BNC2: variants seen among roughly 807,000 people sequenced by gnomAD.
The protein encoded by BNC2 is zinc finger protein basonuclin-2.
In BNC2, 20 loss-of-function variants were observed where a neutral mutation model predicts 76.3. The ratio of observed to expected loss-of-function variants is 0.26; its 90% CI spans 0.18 to 0.38. The LOEUF is 0.38. Ranked by LOEUF, BNC2 falls within the 10% of genes least tolerant of loss-of-function variation. The pLI is 1.00. For missense variants in BNC2, 1,382 were observed against 1,399.8 expected, an observed-to-expected ratio of 0.99 and a Z score of 0.20; for synonymous variants, 582 against 514.8, an observed-to-expected ratio of 1.13 and a Z score of -1.77.
chr9:16,483,645 A>G (rs1587081851), intron 5 of BNC2, among the ~76,000 whole-genome samples: 2 of 152,250 alleles, frequency 1.3e-5, no homozygotes, highest in Non-Finnish European at 2.9e-5. Flanking sequence ...AGGATCAAGA[A>G]CTTTGAAAAG....
Position 16,428,662 on chromosome 9 carries a change from T to C in BNC2, c.2639+6893A>G, listed in dbSNP as rs533761156. On this transcript the variant is annotated intron_variant, in intron 6 of 6. Coordinates refer to ENST00000380672, the MANE Select transcript of BNC2 (RefSeq NM_017637.6). ...CTTACATATATTCTGTTAGAAACAC[T>C]TGTCTTTTTTTTTCTTTCCTAAGGT... 5.9e-5 allele frequency among the ~76,000 whole-genome samples: 9 copies of C among 152,326 alleles called. No homozygotes were observed. The South Asian group carries it at 1.9e-3, about 32-fold the overall frequency.
At chr9:16,504,525 T>G (rs1156607983) in intron 5 of BNC2, among the ~76,000 whole-genome samples, 1 of 152,120 alleles carries the variant, frequency 6.6e-6, no homozygotes. Flanking sequence ...TTAAATAAAG[T>G]AGACCCTGAA....
At chr9:16,594,359 G>C (rs977702995) in intron 3 of BNC2, among the ~76,000 whole-genome samples, 1 of 152,072 alleles carries the variant, frequency 6.6e-6, no homozygotes, top group African/African-American at 2.4e-5. Context: ...TCCCTTCCCA[G>C]ATGCAATGTG....
chr9:16,731,139 A>G (rs1338927411), intron 2 of BNC2, among the ~76,000 whole-genome samples: 1 of 152,216 alleles, frequency 6.6e-6, no homozygotes, highest in African/African-American at 2.4e-5. Flanking sequence ...ACAAGGCACA[A>G]ATATGTCTTC....
intron 3 of BNC2, among the ~76,000 whole-genome samples, chr9:16,702,035 A>G (rs1823531050): frequency 6.6e-6 from 1 of 152,188 alleles, no homozygotes; most frequent in Non-Finnish European, 1.5e-5. Context: ...TGGGCTAAAA[A>G]ACAATAAAAA....
intron 1 of BNC2, among the ~76,000 whole-genome samples, chr9:16,833,030 CCTT>C (rs1245224694): frequency 1.4e-5 from 2 of 143,770 alleles, no homozygotes; most frequent in Non-Finnish European, 3.1e-5. Context: ...TACCCAAATT[CCTT>C]CTTATTACAG....
chr9:16,570,347 C>A (rs1189106824), intron 4 of BNC2, among the ~76,000 whole-genome samples: 1 of 152,112 alleles, frequency 6.6e-6, no homozygotes, highest in African/African-American at 2.4e-5. Context: ...ATTTTTCCTC[C>A]TTCCCCCAGT....
At chr9:16,726,030 C>T (rs1427118196) in intron 3 of BNC2, among the ~76,000 whole-genome samples, 2 of 151,280 alleles carry the variant, frequency 1.3e-5, no homozygotes, top group Non-Finnish European at 2.9e-5. Context: ...CCTCCACTAA[C>T]TCAAGGAAAA....
intron 5 of BNC2, among the ~76,000 whole-genome samples, chr9:16,505,109 A>G (rs1241327960): frequency 6.6e-6 from 1 of 152,232 alleles, no homozygotes; most frequent in Non-Finnish European, 1.5e-5. Context: ...AAAGAACAGA[A>G]CCTATCTTCT....
intron 3 of BNC2, among the ~76,000 whole-genome samples, chr9:16,645,404 C>T (rs1161523954): frequency 6.6e-6 from 1 of 152,222 alleles, no homozygotes; most frequent in African/African-American, 2.4e-5. Context: ...GTTAGAGGCT[C>T]CAGTTCACGT....
chr9:16,870,585 C>A, intron 1 of BNC2, 61 bp downstream of exon 1: 1 of 1,593,760 alleles, frequency 6.3e-7, no homozygotes, highest in Non-Finnish European at 8.5e-7. Flanking sequence ...GGCGCTCGGG[C>A]GCGGGGGTCA....
intron 3 of BNC2, among the ~76,000 whole-genome samples, chr9:16,651,742 G>A (rs1194356041): frequency 6.6e-6 from 1 of 152,150 alleles, no homozygotes; most frequent in Non-Finnish European, 1.5e-5. Flanking sequence ...ATATGAGATA[G>A]TGATTTATGT....
At chr9:16,769,481 C>T (rs900196807) in intron 1 of BNC2, among the ~76,000 whole-genome samples, 7 of 152,136 alleles carry the variant, frequency 4.6e-5, no homozygotes, top group Non-Finnish European at 5.9e-5. Flanking sequence ...ATGGGGGTCA[C>T]GTGACAGGAC....
At chr9:16,573,377 CTTA>C (rs1819386212) in intron 4 of BNC2, among the ~76,000 whole-genome samples, 1 of 152,114 alleles carries the variant, frequency 6.6e-6, no homozygotes, top group Non-Finnish European at 1.5e-5. Context: ...AAGAACAACT[CTTA>C]ATGACTATTT....
At chr9:16,597,141 C>T (rs1044487089) in intron 3 of BNC2, among the ~76,000 whole-genome samples, 3 of 152,042 alleles carry the variant, frequency 2.0e-5, no homozygotes, top group Admixed American at 6.5e-5. Flanking sequence ...AACTTTTACA[C>T]AAGGGAAAGA....
intron 4 of BNC2, among the ~76,000 whole-genome samples, chr9:16,562,462 G>T (rs73417499): frequency 0.054 from 8,242 of 152,186 alleles, 795 homozygotes; most frequent in African/African-American, 0.19. Flanking sequence ...GGATAGAAAT[G>T]TTACCTAATT....
intron 3 of BNC2, among the ~76,000 whole-genome samples, chr9:16,648,836 G>GT (rs1202322066): frequency 1.3e-5 from 2 of 152,154 alleles, no homozygotes; most frequent in East Asian, 1.9e-4. Context: ...ATTAGGAATA[G>GT]TTTTTTAGCA....
At chr9:16,693,445 T>C (rs1298442646) in intron 3 of BNC2, among the ~76,000 whole-genome samples, 1 of 152,100 alleles carries the variant, frequency 6.6e-6, no homozygotes, top group Non-Finnish European at 1.5e-5. Context: ...CCTGAGAGCA[T>C]GTCTGAAACT....
At chr9:16,521,694 C>T (rs1331147893) in intron 5 of BNC2, among the ~76,000 whole-genome samples, 1 of 152,074 alleles carries the variant, frequency 6.6e-6, no homozygotes, top group Non-Finnish European at 1.5e-5. Context: ...CGTGAGATTC[C>T]TTAAAAGTGC....
Sources: allele counts gnomAD v4.1 joint callset (sites outside exome capture counted in the v4.1 genomes callset), GRCh38; gene constraint gnomAD v4.1.1; transcripts MANE v1.5; gene names NCBI Gene and HGNC (gene_info 2026-07-23, HGNC 2026-07-21).